CTNNA2: variants seen among roughly 807,000 people sequenced by gnomAD.
The protein encoded by CTNNA2 is catenin alpha 2.
A neutral mutation model predicts 101.0 loss-of-function variants in CTNNA2; 42 were observed. That is an observed-to-expected ratio of 0.42 (90% CI 0.32 to 0.54). CTNNA2 has a LOEUF of 0.54. Among genes scored for constraint, CTNNA2 ranks in the 20% least tolerant of loss-of-function variants. The probability of loss-of-function intolerance (pLI) is 0.14; values close to 1 mark genes in which losing one functional copy is unlikely to be tolerated. For missense variants in CTNNA2, 871 were observed against 1,223.1 expected, an observed-to-expected ratio of 0.71 and a Z score of 4.29; for synonymous variants, 450 against 456.4, an observed-to-expected ratio of 0.99 and a Z score of 0.18.
intron 9 of CTNNA2, among the ~76,000 whole-genome samples, chr2:80,427,321 G>A (rs750648364): frequency 1.3e-5 from 2 of 152,156 alleles, no homozygotes; most frequent in African/African-American, 2.4e-5. Flanking sequence ...AAGAACTAAT[G>A]TGAAGAAATA....
chr2:80,516,380 C>T (rs1380683520), intron 9 of CTNNA2, among the ~76,000 whole-genome samples: 3 of 152,172 alleles, frequency 2.0e-5, no homozygotes, highest in Non-Finnish European at 1.5e-5. Flanking sequence ...ACCGTTTTGC[C>T]TCAGCTGGGT....
At chr2:80,196,975 C>T (rs888544021) in intron 7 of CTNNA2, among the ~76,000 whole-genome samples, 2 of 152,172 alleles carry the variant, frequency 1.3e-5, no homozygotes, top group East Asian at 1.9e-4. Context: ...TCTTCAAACC[C>T]GCTGCCCTTT....
intron 3 of CTNNA2, among the ~76,000 whole-genome samples, chr2:79,755,557 A>G (rs2105054954): frequency 6.6e-6 from 1 of 152,306 alleles, no homozygotes; most frequent in East Asian, 1.9e-4. Context: ...TGAAGTTCAC[A>G]GACCATCTGG....
chr2:79,504,854 G>C (rs1192068878), intron 4 of CTNNA2, among the ~76,000 whole-genome samples: 1 of 152,130 alleles, frequency 6.6e-6, no homozygotes, highest in Non-Finnish European at 1.5e-5. Flanking sequence ...TTGATTATTT[G>C]ACTACTTTGC....
intron 7 of CTNNA2, among the ~76,000 whole-genome samples, chr2:80,218,329 T>C (rs925718532): frequency 6.6e-6 from 1 of 152,240 alleles, no homozygotes; most frequent in African/African-American, 2.4e-5. Flanking sequence ...ATCAACAAGG[T>C]GACAGCTCTT....
chr2:80,538,971 T>C (rs1484227955), intron 9 of CTNNA2, among the ~76,000 whole-genome samples: 3 of 152,186 alleles, frequency 2.0e-5, no homozygotes, highest in African/African-American at 7.2e-5. Flanking sequence ...CTAGGTATTA[T>C]TTTATTATCT....
chr2:80,578,430 G>A (rs1695249121), intron 13 of CTNNA2, among the ~76,000 whole-genome samples: 1 of 152,106 alleles, frequency 6.6e-6, no homozygotes, highest in Admixed American at 6.6e-5. Flanking sequence ...CCCATTTGCA[G>A]ACCCTCTGTA....
At chr2:79,447,433 C>G (rs1329243834) in intron 4 of CTNNA2, among the ~76,000 whole-genome samples, 4 of 151,886 alleles carry the variant, frequency 2.6e-5, no homozygotes, top group Non-Finnish European at 4.4e-5. Flanking sequence ...TGCTCTCTTC[C>G]CAGAAGATGA....
intron 9 of CTNNA2, among the ~76,000 whole-genome samples, chr2:80,495,023 C>T (rs911077669): frequency 5.3e-5 from 8 of 152,202 alleles, no homozygotes; most frequent in African/African-American, 1.7e-4. Context: ...TGTGGTGGCT[C>T]CTGGTTCTAC....
intron 2 of CTNNA2, among the ~76,000 whole-genome samples, chr2:79,218,391 C>A (rs1674297387): frequency 6.7e-6 from 1 of 148,830 alleles, no homozygotes; most frequent in South Asian, 2.1e-4. Context: ...CTACATTGCC[C>A]AGGCTGGTCG....
chr2:80,131,605 A>G (rs1702418066), intron 7 of CTNNA2, among the ~76,000 whole-genome samples: 1 of 152,182 alleles, frequency 6.6e-6, no homozygotes, highest in Non-Finnish European at 1.5e-5. Flanking sequence ...TAATAGTGAC[A>G]AATCAGGTAG....
At chr2:79,726,984 C>T (rs1242754099) in intron 2 of CTNNA2, among the ~76,000 whole-genome samples, 1 of 152,182 alleles carries the variant, frequency 6.6e-6, no homozygotes, top group Non-Finnish European at 1.5e-5. Context: ...CATTCACAAA[C>T]AGCAAATGAA....
In CTNNA2 at chr2:80,541,912, G is replaced by T. The variant is rs185889759; in HGVS notation, c.1291-3070G>T. 7.4e-4 allele frequency among the ~76,000 whole-genome samples: 111 copies of T among 149,548 alleles called. 4 individuals are homozygous for T. Among genetic ancestry groups the T allele is most frequent in the Non-Finnish European group, 7.4e-4 (50 of 67,552 alleles). ...CTAAATGTTTTTTAATATGGAAAAT[G>T]CTAAGCATATCCCAAAGTAAAGAAT... On this transcript the variant is annotated intron_variant, in intron 9 of 18. Transcript: ENST00000402739.
chr2:80,230,576 A>G (rs10203415), intron 7 of CTNNA2, among the ~76,000 whole-genome samples: 13,818 of 152,102 alleles, frequency 0.091, 930 homozygotes, highest in Non-Finnish European at 0.14. Context: ...GAAAAAGCAG[A>G]CGGAAAAGGG....
intron 3 of CTNNA2, among the ~76,000 whole-genome samples, chr2:79,343,765 C>G (rs1187136556): frequency 6.7e-6 from 1 of 149,824 alleles, no homozygotes; most frequent in Non-Finnish European, 1.5e-5. Flanking sequence ...TTATTTGCTA[C>G]AAAGAATCCT....
chr2:79,348,977 G>A (rs1191799230), intron 3 of CTNNA2, among the ~76,000 whole-genome samples: 2 of 152,176 alleles, frequency 1.3e-5, no homozygotes, highest in Non-Finnish European at 2.9e-5. Context: ...GCAATCGGCA[G>A]AGTAAAATTA....
intron 11 of CTNNA2, among the ~76,000 whole-genome samples, chr2:80,547,585 T>A (rs1573220677): frequency 6.6e-6 from 1 of 152,172 alleles, no homozygotes; most frequent in Non-Finnish European, 1.5e-5. Flanking sequence ...TGTTTTTTAT[T>A]CCCAAGGTCT....
chr2:80,109,891 G>T (rs905538296), intron 7 of CTNNA2, among the ~76,000 whole-genome samples: 1 of 152,098 alleles, frequency 6.6e-6, no homozygotes, highest in Non-Finnish European at 1.5e-5. Flanking sequence ...TCAAGTCATG[G>T]TTGTCTATGT....
At chr2:80,450,838 A>AT (rs1033756734) in intron 9 of CTNNA2, among the ~76,000 whole-genome samples, 1 of 152,160 alleles carries the variant, frequency 6.6e-6, no homozygotes, top group Non-Finnish European at 1.5e-5. Context: ...GTGCAGGCAA[A>AT]TCAATAGAAT....
Sources: allele counts gnomAD v4.1 joint callset (sites outside exome capture counted in the v4.1 genomes callset), GRCh38; gene constraint gnomAD v4.1.1; transcripts MANE v1.5; gene names NCBI Gene and HGNC (gene_info 2026-07-23, HGNC 2026-07-21).